The following PABPC4L variants were observed in gnomAD, a reference collection of about 807,000 sequenced individuals.
PABPC4L encodes the protein polyadenylate-binding protein 4-like.
For missense variants in PABPC4L, 452 were observed against 451.4 expected (o/e 1.00, Z -0.01); for synonymous variants, 169 against 164.1 (o/e 1.03, Z -0.23).
chr4:133,950,185 C>G, the PABPC4L span, among the ~76,000 whole-genome samples: 1,409 of 152,114 alleles, frequency 9.3e-3, 17 homozygotes, highest in African/African-American at 0.033. Context: ...TATTTTTCAC[C>G]AAGCCAAATC....
At chr4:134,004,548 A>G in the PABPC4L span, among the ~76,000 whole-genome samples, 1 of 151,856 alleles carries the variant, frequency 6.6e-6, no homozygotes, top group African/African-American at 2.4e-5. Context: ...TACAGCCACT[A>G]TAGAAATCAG....
chr4:134,145,027 A>C, the PABPC4L span, among the ~76,000 whole-genome samples: 36 of 151,790 alleles, frequency 2.4e-4, no homozygotes, highest in Admixed American at 2.0e-4. Context: ...GTAACTTTCT[A>C]TAGTACGTTC....
the PABPC4L span, among the ~76,000 whole-genome samples, chr4:134,061,620 CAGAGAGAGAGAGAGAGAGAGAGAGAG>C: frequency 1.4e-5 from 2 of 143,350 alleles, no homozygotes; most frequent in Non-Finnish European, 3.1e-5. Flanking sequence ...CAAACATACA[CAGAGAGAGAGAGAGAGAGAGAGAGAG>C]AGAGAGAGAG....
At chr4:134,148,154 T>C in the PABPC4L span, among the ~76,000 whole-genome samples, 15,371 of 151,892 alleles carry the variant, frequency 0.1, 1,327 homozygotes, top group East Asian at 0.49. Context: ...AACACAGAGA[T>C]TGATACTTGG....
the PABPC4L span, among the ~76,000 whole-genome samples, chr4:134,191,199 C>G: frequency 6.6e-6 from 1 of 152,082 alleles, no homozygotes; most frequent in South Asian, 2.1e-4. Context: ...GTTGTTTTCT[C>G]TTGATTCTAT....
the PABPC4L span, among the ~76,000 whole-genome samples, chr4:134,170,113 C>A: frequency 7.1e-4 from 108 of 152,208 alleles, 1 homozygote; most frequent in Middle Eastern, 6.8e-3. Context: ...CATTTAGCTC[C>A]CACTTATAAG....
chr4:134,079,440 G>T, the PABPC4L span, among the ~76,000 whole-genome samples: 1 of 150,978 alleles, frequency 6.6e-6, no homozygotes, highest in East Asian at 2.0e-4. Flanking sequence ...TTAGCCAGGC[G>T]TGGTAGCGGA....
At chr4:134,148,045 T>G in the PABPC4L span, among the ~76,000 whole-genome samples, 1 of 152,038 alleles carries the variant, frequency 6.6e-6, no homozygotes, top group Non-Finnish European at 1.5e-5. Flanking sequence ...TGAAGACTGC[T>G]CATAGAGTGG....
At chr4:134,008,809 T>G in the PABPC4L span, among the ~76,000 whole-genome samples, 2 of 151,814 alleles carry the variant, frequency 1.3e-5, no homozygotes, top group Non-Finnish European at 3.0e-5. Flanking sequence ...AATATCTCAG[T>G]ATCTTGACAA....
chr4:134,007,560 T>C, the PABPC4L span, among the ~76,000 whole-genome samples: 1 of 151,652 alleles, frequency 6.6e-6, no homozygotes, highest in Non-Finnish European at 1.5e-5. Flanking sequence ...AAGGCTTATA[T>C]GTAATAAGGT....
the PABPC4L span, among the ~76,000 whole-genome samples, chr4:134,110,867 T>A: frequency 6.6e-6 from 1 of 151,924 alleles, no homozygotes; most frequent in Non-Finnish European, 1.5e-5. Flanking sequence ...ACAATTTTAT[T>A]TTTCTGATCC....
chr4:134,014,015 C>T, the PABPC4L span, among the ~76,000 whole-genome samples: 30 of 152,256 alleles, frequency 2.0e-4, no homozygotes, highest in Middle Eastern at 3.4e-3. Context: ...AAGGTTAATG[C>T]TCCTTTTTCT....
chr4:134,137,802 T>C, the PABPC4L span, among the ~76,000 whole-genome samples: 1 of 151,830 alleles, frequency 6.6e-6, no homozygotes, highest in Admixed American at 6.6e-5. Context: ...TCCAACCCTG[T>C]CCTTCTAAAA....
At chr4:134,063,865 T>C in the PABPC4L span, among the ~76,000 whole-genome samples, 1 of 152,042 alleles carries the variant, frequency 6.6e-6, no homozygotes, top group Non-Finnish European at 1.5e-5. Context: ...AAAGTTTCTC[T>C]GACAATCTTT....
At chr4:134,016,736 C>G in the PABPC4L span, among the ~76,000 whole-genome samples, 1 of 152,098 alleles carries the variant, frequency 6.6e-6, no homozygotes, top group Admixed American at 6.6e-5. Flanking sequence ...GCTGCTAGCC[C>G]GTCTCTTAGA....
At chr4:134,201,454 C>A (rs1017318292) in intron 1 of PABPC4L, among the ~76,000 whole-genome samples, 1 of 152,122 alleles carries the variant, frequency 6.6e-6, no homozygotes, top group Non-Finnish European at 1.5e-5. Flanking sequence ...GCGTCAGAGG[C>A]CCCAGCCGTG....
the PABPC4L span, among the ~76,000 whole-genome samples, chr4:134,046,311 G>A: frequency 2.6e-5 from 4 of 152,086 alleles, no homozygotes; most frequent in South Asian, 4.2e-4. Context: ...GGATGTGCAC[G>A]TAGGCCAGAT....
the PABPC4L span, among the ~76,000 whole-genome samples, chr4:134,089,603 G>A: frequency 6.6e-6 from 1 of 151,986 alleles, no homozygotes; most frequent in Non-Finnish European, 1.5e-5. Context: ...TCACAGGTTT[G>A]TATGTATAGG....
the PABPC4L span, among the ~76,000 whole-genome samples, chr4:134,004,199 G>T: frequency 8.6e-5 from 13 of 151,690 alleles, no homozygotes; most frequent in African/African-American, 2.9e-4. Flanking sequence ...ACAGAGTAAA[G>T]AGGCAACCCG....
Sources: gnomAD v4.1 joint callset for allele counts (sites outside exome capture counted in the v4.1 genomes callset) on GRCh38, gnomAD v4.1.1 for gene constraint, MANE v1.5 for transcripts, NCBI Gene and HGNC (gene_info 2026-07-23, HGNC 2026-07-21) for gene names.